Variants in ITSN1 observed in about 807,000 individuals in gnomAD.
The protein encoded by ITSN1 is intersectin-1.
Under a neutral mutation model 239.8 loss-of-function variants are expected in ITSN1, and 58 were observed. That is an observed-to-expected ratio of 0.24 (90% CI 0.20 to 0.30). ITSN1 has a LOEUF of 0.30. Ranked by LOEUF, ITSN1 falls within the 10% of genes least tolerant of loss-of-function variation. The probability of loss-of-function intolerance (pLI) is 1.00; values close to 1 mark genes in which losing one functional copy is unlikely to be tolerated. For synonymous variants in ITSN1, 780 were observed against 770.8 expected, an observed-to-expected ratio of 1.01 and a Z score of -0.20; for missense variants, 1,558 against 2,103.3, an observed-to-expected ratio of 0.74 and a Z score of 5.07.
rs1317448661 is a variant in ITSN1, at chr21:33,671,956, G to A, written c.-33+29243G>A. ...ATTTAAAAATTTAAAAAGAGTCGATGTCTTGGCTGGGCACAGTGACTCAAC... is the reference window on the plus strand; with the variant it reads ...ATTTAAAAATTTAAAAAGAGTCGATATCTTGGCTGGGCACAGTGACTCAAC... On this transcript the variant is annotated intron_variant, in intron 1 of 39. Transcript: ENST00000381318. Among the ~76,000 whole-genome samples the A allele has an allele frequency of 2.8e-4, 42 of 152,096 alleles. 1 individual carries two copies. The highest frequency in any genetic ancestry group is 2.7e-3 in the Admixed American group (42 of 15,282).
At position 33,836,741 on chromosome 21, in the gene ITSN1, C is replaced by T. The variant is rs75302282; in HGVS notation, c.3661+109C>T. ...TTGTTTGCAGAACTTAAAGCTAGAC[C>T]ATTGCTGCATTCGCAGTCGTCTCTT... On this transcript the variant is annotated intron_variant, in intron 29 of 39. Transcript: ENST00000381318. 1,607 of 913,368 alleles carry T rather than the reference C, an allele frequency of 1.8e-3. 2 individuals are homozygous for T. The highest frequency in any genetic ancestry group is 2.5e-3 in the Non-Finnish European group (1,478 of 588,434). 56.6% of individuals were successfully genotyped at this position (913,368 alleles called of 1,614,324 possible).
At chr21:33,677,591 A>G (rs1215739473) in intron 1 of ITSN1, among the ~76,000 whole-genome samples, 3 of 152,008 alleles carry the variant, frequency 2.0e-5, no homozygotes, top group Admixed American at 6.6e-5. Context: ...CCACCCGCCT[A>G]GGCCTCCCAA....
intron 29 of ITSN1, among the ~76,000 whole-genome samples, chr21:33,854,286 C>T (rs1020102814): frequency 6.6e-6 from 1 of 152,164 alleles, no homozygotes; most frequent in Non-Finnish European, 1.5e-5. Flanking sequence ...CAAACATCAC[C>T]GCACCGTGTT....
intron 14 of ITSN1, among the ~76,000 whole-genome samples, chr21:33,775,505 T>C (rs1410379201): frequency 6.6e-6 from 1 of 152,176 alleles, no homozygotes; most frequent in East Asian, 1.9e-4. Context: ...AATGTTGTGA[T>C]TTTAACTAAG....
At chr21:33,733,881 T>A (rs971418055) in intron 4 of ITSN1, among the ~76,000 whole-genome samples, 2 of 152,206 alleles carry the variant, frequency 1.3e-5, no homozygotes, top group African/African-American at 4.8e-5. Context: ...GTGCCAACTT[T>A]TACAATCTTG....
intron 31 of ITSN1, among the ~76,000 whole-genome samples, chr21:33,863,371 C>T (rs576718203): frequency 2.6e-5 from 4 of 152,324 alleles, no homozygotes; most frequent in Non-Finnish European, 2.9e-5. Flanking sequence ...GGCCAGCGGC[C>T]GGGGCCGGGC....
At chr21:33,813,805 C>T (rs888451458) in intron 21 of ITSN1, 108 bp from the exon 22 acceptor site, 2 of 852,860 alleles carry the variant, frequency 2.3e-6, no homozygotes, top group Non-Finnish European at 3.5e-6. Context: ...AAAAAGCTGG[C>T]ATATTAGGGA....
intron 1 of ITSN1, among the ~76,000 whole-genome samples, chr21:33,718,078 T>TA (rs1345902714): frequency 6.6e-6 from 1 of 152,212 alleles, no homozygotes; most frequent in East Asian, 1.9e-4. Context: ...AAACGAATGA[T>TA]ATCGTGCTAA....
In ITSN1 at chr21:33,681,869, C is replaced by T. The variant is rs952762933; in HGVS notation, c.-32-36928C>T. ...TGTATTTTTAGTAGAGGGGTTTCACCGTGTTAACCAGGGTGGTCTTGATCT... is the reference window on the plus strand; with the variant it reads ...TGTATTTTTAGTAGAGGGGTTTCACTGTGTTAACCAGGGTGGTCTTGATCT... On this transcript the variant is annotated intron_variant, in intron 1 of 39. Transcript: ENST00000381318. 9.1e-4 allele frequency among the ~76,000 whole-genome samples: 138 copies of T among 151,676 alleles called. 2 individuals carry two copies. The highest frequency in any genetic ancestry group is 2.2e-4 in the Non-Finnish European group (15 of 67,928).
intron 31 of ITSN1, among the ~76,000 whole-genome samples, chr21:33,860,066 G>T (rs573813131): frequency 6.6e-6 from 1 of 152,244 alleles, no homozygotes; most frequent in South Asian, 2.1e-4. Context: ...CAGTGCTTTG[G>T]GAGGCCAAGG....
intron 16 of ITSN1, among the ~76,000 whole-genome samples, chr21:33,792,266 G>A (rs763007584): frequency 5.3e-5 from 8 of 151,952 alleles, no homozygotes; most frequent in South Asian, 2.1e-4. Context: ...GTGCAGTGGC[G>A]CGATCTTGGC....
At chr21:33,672,706 T>A (rs1322156231) in intron 1 of ITSN1, among the ~76,000 whole-genome samples, 1 of 151,930 alleles carries the variant, frequency 6.6e-6, no homozygotes, top group East Asian at 1.9e-4. Flanking sequence ...AGACAAGATA[T>A]GGAAACGATT....
chr21:33,751,987 A>G lies in ITSN1; in HGVS notation c.623+81A>G, dbSNP rs567233173. 74 of 927,984 alleles carry G rather than the reference A, an allele frequency of 8.0e-5. No homozygotes were observed. In the East Asian group the frequency reaches 1.3e-3, roughly 16 times the overall value. The allele number at this position is 927,984 out of a possible 1,614,324, so 57.5% of individuals were successfully genotyped here. On this transcript the variant is annotated intron_variant, in intron 7 of 39. Transcript: ENST00000381318. ...TCATAAATTTGACCATGAATCATCT[A>G]TATTCTTTTTGTTGTTGTCATCTTT...
chr21:33,778,898 T>G (rs1232152103), intron 14 of ITSN1, among the ~76,000 whole-genome samples: 3 of 152,172 alleles, frequency 2.0e-5, no homozygotes, highest in Non-Finnish European at 4.4e-5. Context: ...TCTTATTGTA[T>G]GTAAGTCTGT....
At chr21:33,811,321 C>T in intron 21 of ITSN1, 99 bp downstream of exon 21, 1 of 1,211,728 alleles carries the variant, frequency 8.3e-7, no homozygotes. Context: ...GATTGTCCTT[C>T]TATGTGAGGG....
chr21:33,816,089 A>T (rs2073249373), intron 22 of ITSN1, among the ~76,000 whole-genome samples: 1 of 152,028 alleles, frequency 6.6e-6, no homozygotes, highest in African/African-American at 2.4e-5. Flanking sequence ...GCTACTTGGG[A>T]GGCTGAGGCA....
At chr21:33,713,842 T>TTTTTC (rs1452494426) in intron 1 of ITSN1, among the ~76,000 whole-genome samples, 4 of 142,266 alleles carry the variant, frequency 2.8e-5, no homozygotes, top group African/African-American at 5.3e-5. Flanking sequence ...TTTTTTTTTT[T>TTTTTC]TTTTTTTTTT....
intron 30 of ITSN1, 73 bp downstream of exon 30, chr21:33,856,930 A>C: frequency 7.0e-7 from 1 of 1,433,896 alleles, no homozygotes; most frequent in Non-Finnish European, 9.8e-7. Flanking sequence ...TCCGTCAAGG[A>C]GGTCTATGTC....
chr21:33,758,949 A>G (rs966068743), intron 8 of ITSN1, among the ~76,000 whole-genome samples: 2 of 152,226 alleles, frequency 1.3e-5, no homozygotes, highest in African/African-American at 4.8e-5. Flanking sequence ...CAAATGTGCT[A>G]AGATGCTATC....
Sources: allele counts gnomAD v4.1 joint callset (sites outside exome capture counted in the v4.1 genomes callset), GRCh38; gene constraint gnomAD v4.1.1; transcripts MANE v1.5; gene names NCBI Gene and HGNC (gene_info 2026-07-23, HGNC 2026-07-21).